Variants in MCC observed in about 807,000 individuals in gnomAD.
MCC encodes the protein MCC regulator of Wnt signaling pathway, also known as colorectal mutant cancer protein.
A neutral mutation model predicts 116.2 loss-of-function variants in MCC; 90 were observed. The ratio of observed to expected loss-of-function variants is 0.77; its 90% CI spans 0.65 to 0.92. The LOEUF is 0.92. Among genes scored for constraint, MCC ranks in the 40% least tolerant of loss-of-function variants. The pLI, the probability that MCC is intolerant of heterozygous loss-of-function variation, is 0.00. For synonymous variants in MCC, 578 were observed against 510.5 expected, an observed-to-expected ratio of 1.13 and a Z score of -1.78; for missense variants, 1,516 against 1,312.2, an observed-to-expected ratio of 1.16 and a Z score of -2.40.
chr5:113,168,769 G>A (rs1196291273), intron 3 of MCC, among the ~76,000 whole-genome samples: 1 of 152,106 alleles, frequency 6.6e-6, no homozygotes, highest in African/African-American at 2.4e-5. Flanking sequence ...AGGGGCAACA[G>A]ATCTGAGACA....
At chr5:113,370,429 A>G (rs1446226171) in intron 2 of MCC, among the ~76,000 whole-genome samples, 2 of 152,198 alleles carry the variant, frequency 1.3e-5, no homozygotes, top group Non-Finnish European at 2.9e-5. Flanking sequence ...ACAAAACTAG[A>G]TAATAAGGAG....
At position 113,075,364 on chromosome 5, in the gene MCC, C is replaced by T. The variant is rs562994491; in HGVS notation, c.1785-4130G>A. 7.1e-4 allele frequency among the ~76,000 whole-genome samples: 108 copies of T among 152,312 alleles called. 1 individual carries two copies. Among genetic ancestry groups the T allele is most frequent in the Non-Finnish European group, 1.1e-3 (72 of 68,018 alleles). ...GCATCCCAAGCCTCCCCGATGGGTG[C>T]CGCCCCCTGCTCTGAGGTGCCCAGT... On this transcript the variant is annotated intron_variant, in intron 11 of 18. Coordinates refer to ENST00000408903, the MANE Select transcript of MCC (RefSeq NM_001085377.2).
rs1269527611 is a variant in MCC, at chr5:113,248,832, C to CTTTT, written c.627+91683_627+91686dup. Among the ~76,000 whole-genome samples the CTTTT allele has an allele frequency of 6.5e-5, 9 of 138,216 alleles. No individual in the cohort carries two copies. The South Asian group carries it at 6.9e-4, about 11-fold the overall frequency. 90.7% of individuals were successfully genotyped at this position (138,216 alleles called of 152,430 possible). A position where few individuals can be genotyped will look rare whatever the true frequency, so the allele number is the denominator to read the frequency against. On this transcript the variant is annotated intron_variant, in intron 3 of 18. Transcript: ENST00000408903. ...CATGTGCTCTCATTCTCTCTCTCTT[C>CTTTT]TTTTTTTTTTTTTGAGATGGAGTCT... is the stretch of plus-strand genomic sequence containing the variant.
intron 3 of MCC, among the ~76,000 whole-genome samples, chr5:113,181,795 GA>G (rs1174040575): frequency 6.6e-6 from 1 of 152,132 alleles, no homozygotes; most frequent in Non-Finnish European, 1.5e-5. Context: ...TAGAAAAAAA[GA>G]AAGAAAACAA....
intron 3 of MCC, among the ~76,000 whole-genome samples, chr5:113,201,612 T>C (rs1490996907): frequency 6.6e-6 from 1 of 152,194 alleles, no homozygotes; most frequent in Non-Finnish European, 1.5e-5. Context: ...ACATCCTCAT[T>C]TTCCAAACTT....
intron 2 of MCC, among the ~76,000 whole-genome samples, chr5:113,382,673 T>C (rs1769153669): frequency 6.6e-6 from 1 of 152,204 alleles, no homozygotes; most frequent in African/African-American, 2.4e-5. Flanking sequence ...GTTTAACACG[T>C]ATTTAGTGAT....
chr5:113,397,501 T>C (rs1769556983), intron 1 of MCC, among the ~76,000 whole-genome samples: 1 of 152,166 alleles, frequency 6.6e-6, no homozygotes. Flanking sequence ...AGAATAAACA[T>C]TTTAAGTCAC....
At chr5:113,449,057 A>G (rs1412235523) in intron 1 of MCC, among the ~76,000 whole-genome samples, 1 of 152,186 alleles carries the variant, frequency 6.6e-6, no homozygotes, top group Non-Finnish European at 1.5e-5. Flanking sequence ...CCCAGTCTCT[A>G]CTGGTCATCA....
chr5:113,340,409 G>C (rs942059645), intron 3 of MCC, 110 bp downstream of exon 3: 7 of 915,402 alleles, frequency 7.6e-6, no homozygotes, highest in Non-Finnish European at 1.2e-5. Flanking sequence ...AATATTTACC[G>C]CAATAAAGAA....
chr5:113,224,164 G>A (rs543796672), intron 3 of MCC, among the ~76,000 whole-genome samples: 328 of 152,128 alleles, frequency 2.2e-3, no homozygotes, highest in South Asian at 7.3e-3. Context: ...GTGTGATTTC[G>A]GCTCACTGCA....
chr5:113,381,458 T>C (rs1769117339), intron 2 of MCC, among the ~76,000 whole-genome samples: 1 of 152,124 alleles, frequency 6.6e-6, no homozygotes, highest in Non-Finnish European at 1.5e-5. Flanking sequence ...TATATAATTA[T>C]ATTTGGGAGT....
At chr5:113,401,860 AT>A (rs1241332810) in intron 1 of MCC, among the ~76,000 whole-genome samples, 1 of 151,510 alleles carries the variant, frequency 6.6e-6, no homozygotes, top group African/African-American at 2.4e-5. Flanking sequence ...TATTATTACT[AT>A]TTTTTTGAGA....
chr5:113,325,396 G>A (rs75262915), intron 3 of MCC, among the ~76,000 whole-genome samples: 6,023 of 149,314 alleles, frequency 0.04, 397 homozygotes, highest in African/African-American at 0.14. Flanking sequence ...ACTAAATTCT[G>A]ATTGTTTTCA....
At chr5:113,317,488 T>C (rs569916608) in intron 3 of MCC, among the ~76,000 whole-genome samples, 6 of 152,338 alleles carry the variant, frequency 3.9e-5, no homozygotes, top group African/African-American at 9.6e-5. Flanking sequence ...CTAAAATTCA[T>C]ACAGGTGTAC....
At chr5:113,052,842 T>C (rs1170223500) in intron 15 of MCC, among the ~76,000 whole-genome samples, 2 of 152,162 alleles carry the variant, frequency 1.3e-5, no homozygotes, top group Non-Finnish European at 2.9e-5. Flanking sequence ...CTGGTCCTTC[T>C]GGTGACCAGC....
rs77070251 is a variant in MCC at position 113,178,100 on chromosome 5, A to G, written c.628-26678T>C. On this transcript the variant is annotated intron_variant, in intron 3 of 18. Coordinates refer to ENST00000408903, the MANE Select transcript of MCC (RefSeq NM_001085377.2). ...GCTTGCAAATCAGAACACATGCAGGAAAGTGGGGTATGAGTGGCAGCGGAA... is the reference window on the plus strand; with the variant it reads ...GCTTGCAAATCAGAACACATGCAGGGAAGTGGGGTATGAGTGGCAGCGGAA... Among the ~76,000 whole-genome samples, 1,379 of 152,336 alleles carry G rather than the reference A, an allele frequency of 9.1e-3. 22 individuals carry two copies. Among genetic ancestry groups the G allele is most frequent in the African/African-American group, 0.032 (1,321 of 41,570 alleles).
chr5:113,305,007 G>C (rs1242425120), intron 3 of MCC, among the ~76,000 whole-genome samples: 2 of 147,376 alleles, frequency 1.4e-5, no homozygotes, highest in African/African-American at 2.6e-5. Flanking sequence ...ACCCAAAAGG[G>C]GCAAAAAAAA....
chr5:113,430,642 G>T (rs560292683), intron 1 of MCC, among the ~76,000 whole-genome samples: 7 of 152,282 alleles, frequency 4.6e-5, no homozygotes, highest in African/African-American at 1.7e-4. Flanking sequence ...TATATGAGAG[G>T]TAAGGCAAAG....
At chr5:113,391,906 C>T (rs7718616) in intron 1 of MCC, among the ~76,000 whole-genome samples, 23,109 of 152,004 alleles carry the variant, frequency 0.15, 2,120 homozygotes, top group Non-Finnish European at 0.21. Flanking sequence ...CTCTTCTGTA[C>T]AATTTTATTT....
Sources: gnomAD v4.1 joint callset for allele counts (sites outside exome capture counted in the v4.1 genomes callset) on GRCh38, gnomAD v4.1.1 for gene constraint, MANE v1.5 for transcripts, NCBI Gene and HGNC (gene_info 2026-07-23, HGNC 2026-07-21) for gene names.